The following ULK4 variants were observed in gnomAD, a reference collection of about 807,000 sequenced individuals.
ULK4 encodes the protein unc-51 like kinase 4, also known as inactive serine/threonine-protein kinase ULK4.
ULK4 carries 133 observed loss-of-function variants against 160.6 expected under a neutral mutation model. The ratio of observed to expected loss-of-function variants is 0.83; its 90% CI spans 0.72 to 0.96. ULK4 has a LOEUF of 0.96. Among genes scored for constraint, ULK4 ranks in the 40% least tolerant of loss-of-function variants. The pLI is 0.00. For synonymous variants in ULK4, 534 were observed against 539.8 expected (o/e 0.99, Z 0.15); for missense variants, 1,580 against 1,499.5 (o/e 1.05, Z -0.89).
chr3:41,814,313 A>C (rs2040902627), intron 19 of ULK4, among the ~76,000 whole-genome samples: 1 of 152,186 alleles, frequency 6.6e-6, no homozygotes, highest in Non-Finnish European at 1.5e-5. Flanking sequence ...TTTCTCATTT[A>C]GTATCTGCCT....
intron 35 of ULK4, among the ~76,000 whole-genome samples, chr3:41,303,267 TA>T (rs2079834940): frequency 1.3e-5 from 2 of 152,226 alleles, no homozygotes; most frequent in African/African-American, 4.8e-5. Context: ...TGGGATGTTT[TA>T]CTCTGCCTAA....
intron 22 of ULK4, among the ~76,000 whole-genome samples, chr3:41,735,561 G>A (rs2038003329): frequency 6.6e-6 from 1 of 151,894 alleles, no homozygotes; most frequent in South Asian, 2.1e-4. Flanking sequence ...GTAAATTGTA[G>A]ATATCCATTC....
chr3:41,505,855 A>G (rs1247288746), intron 32 of ULK4, among the ~76,000 whole-genome samples: 2 of 152,282 alleles, frequency 1.3e-5, no homozygotes, highest in East Asian at 1.9e-4. Context: ...ACATTTAATA[A>G]AAGTGGTCAT....
At chr3:41,947,662 T>C (rs1026316540) in intron 2 of ULK4, among the ~76,000 whole-genome samples, 2 of 152,164 alleles carry the variant, frequency 1.3e-5, no homozygotes, top group Non-Finnish European at 2.9e-5. Flanking sequence ...TAGCATATGA[T>C]GAACTTCTGC....
intron 32 of ULK4, among the ~76,000 whole-genome samples, chr3:41,537,430 T>C (rs1277840327): frequency 6.6e-6 from 1 of 152,216 alleles, no homozygotes; most frequent in African/African-American, 2.4e-5. Flanking sequence ...TTCTTTCCAC[T>C]TTCTTCAAAA....
At chr3:41,440,633 T>C (rs2083143374) in intron 34 of ULK4, among the ~76,000 whole-genome samples, 1 of 152,134 alleles carries the variant, frequency 6.6e-6, no homozygotes, top group Admixed American at 6.5e-5. Flanking sequence ...GTACCATCTT[T>C]GGTTTCTGGT....
At chr3:41,376,190 T>A (rs893655052) in intron 35 of ULK4, among the ~76,000 whole-genome samples, 1 of 150,270 alleles carries the variant, frequency 6.7e-6, no homozygotes, top group African/African-American at 2.5e-5. Context: ...GTAAATTAGT[T>A]CAACCATTGT....
intron 30 of ULK4, among the ~76,000 whole-genome samples, chr3:41,660,038 C>A (rs1202919035): frequency 6.6e-6 from 1 of 152,138 alleles, no homozygotes; most frequent in Non-Finnish European, 1.5e-5. Context: ...GCCTGTAATA[C>A]CACCACTTTG....
Position 41,915,981 on chromosome 3 carries a change from T to A in ULK4, c.799A>T (p.Lys267Ter). The change falls in exon 8 of 37, where the codon AAA (lysine) becomes TAA (stop). Residue 267 changes from lysine (K) to a stop codon, truncating the protein, a stop_gained. Coordinates refer to ENST00000301831, the MANE Select transcript of ULK4 (RefSeq NM_017886.4). LOFTEE classifies it high-confidence loss of function. ...AGATCGAACTACTGTCCCTACCTTT[T>A]CTGAGGATCTCTTTGAAGTAACCCA... ...LDGLLQRDPQKRLTWTRLLQH... is the reference protein window; with the variant it reads ...LDGLLQRDPQ 6.3e-7 allele frequency: 1 copy of A among 1,587,164 alleles called. No individual in the cohort carries two copies. Among genetic ancestry groups the A allele is most frequent in the South Asian group, 1.2e-5 (1 of 84,958 alleles).
At chr3:41,508,103 G>A (rs1006822688) in intron 32 of ULK4, among the ~76,000 whole-genome samples, 5 of 152,222 alleles carry the variant, frequency 3.3e-5, no homozygotes, top group African/African-American at 7.2e-5. Flanking sequence ...CACAGTGGGA[G>A]TGAGACTGGC....
chr3:41,378,339 C>A (rs1477333034), intron 35 of ULK4, among the ~76,000 whole-genome samples: 2 of 150,778 alleles, frequency 1.3e-5, no homozygotes, highest in African/African-American at 2.4e-5. Context: ...CTAACCTGCA[C>A]AATGTGCACA....
At chr3:41,249,392 G>T in intron 36 of ULK4, 97 bp downstream of exon 36, 1 of 1,135,660 alleles carries the variant, frequency 8.8e-7, no homozygotes, top group Non-Finnish European at 1.3e-6. Flanking sequence ...GGTAGTCCCT[G>T]GTGTGGAGGG....
At chr3:41,716,370 T>C (rs2037269249) in intron 23 of ULK4, among the ~76,000 whole-genome samples, 2 of 151,948 alleles carry the variant, frequency 1.3e-5, no homozygotes, top group Admixed American at 1.3e-4. Flanking sequence ...TAACAATAAA[T>C]AAAACTTGCT....
chr3:41,398,581 G>A (rs550011545), intron 34 of ULK4, among the ~76,000 whole-genome samples: 1 of 142,776 alleles, frequency 7.0e-6, no homozygotes. Flanking sequence ...TGGTAGAGAC[G>A]TGGTCCCCCT....
intron 27 of ULK4, among the ~76,000 whole-genome samples, chr3:41,690,845 G>C (rs572352136): frequency 1.3e-5 from 2 of 151,950 alleles, no homozygotes; most frequent in African/African-American, 4.8e-5. Context: ...ATATGCAAAA[G>C]GGGGGTACTT....
chr3:41,920,939 T>C (rs886909226), intron 5 of ULK4, among the ~76,000 whole-genome samples: 1 of 152,204 alleles, frequency 6.6e-6, no homozygotes, highest in Non-Finnish European at 1.5e-5. Flanking sequence ...ACTTAATAGA[T>C]GTTTCATTAA....
At chr3:41,824,914 C>CG (rs1012400879) in intron 18 of ULK4, among the ~76,000 whole-genome samples, 5 of 152,230 alleles carry the variant, frequency 3.3e-5, no homozygotes, top group African/African-American at 7.2e-5. Context: ...GAGGCACCCC[C>CG]AGTAGGGGCA....
intron 31 of ULK4, among the ~76,000 whole-genome samples, chr3:41,610,109 T>A (rs2032600263): frequency 6.6e-6 from 1 of 151,382 alleles, no homozygotes; most frequent in East Asian, 1.9e-4. Context: ...CTCTGCCCCC[T>A]GGGTTCAAGC....
At chr3:41,500,188 CTTTT>C (rs1278835563) in intron 32 of ULK4, among the ~76,000 whole-genome samples, 2 of 148,550 alleles carry the variant, frequency 1.3e-5, no homozygotes, top group Admixed American at 6.7e-5. Flanking sequence ...TTAATTTCTG[CTTTT>C]TTATTATTTT....
Sources: gnomAD v4.1 joint callset for allele counts (sites outside exome capture counted in the v4.1 genomes callset) on GRCh38, gnomAD v4.1.1 for gene constraint, MANE v1.5 for transcripts, NCBI Gene and HGNC (gene_info 2026-07-23, HGNC 2026-07-21) for gene names.